Variants in FNBP1L observed in about 807,000 individuals in gnomAD.
The protein encoded by FNBP1L is formin-binding protein 1-like.
A neutral mutation model predicts 91.2 loss-of-function variants in FNBP1L; 36 were observed. The ratio of observed to expected loss-of-function variants is 0.39; its 90% CI spans 0.30 to 0.52. FNBP1L has a LOEUF of 0.52. FNBP1L is among the 20% of genes least tolerant of loss of function. The probability of loss-of-function intolerance (pLI) is 0.66; values close to 1 mark genes in which losing one functional copy is unlikely to be tolerated. For missense variants in FNBP1L, 571 were observed against 732.1 expected, an observed-to-expected ratio of 0.78 and a Z score of 2.54; for synonymous variants, 242 against 237.0, an observed-to-expected ratio of 1.02 and a Z score of -0.19.
At chr1:93,454,931 T>G (rs1258202204) in intron 1 of FNBP1L, among the ~76,000 whole-genome samples, 1 of 151,888 alleles carries the variant, frequency 6.6e-6, no homozygotes. Flanking sequence ...ATTTATTTAT[T>G]TATTTATTTA....
chr1:93,524,342 A>G lies in FNBP1L; in HGVS notation c.405+19A>G. On this transcript the variant is annotated intron_variant, in intron 5 of 16. Transcript: ENST00000271234. ...GGATAATGTGAGTTATGACATTTTCATGGTTAACATAAAATCTTGTAGACT... is the reference window on the plus strand; with the variant it reads ...GGATAATGTGAGTTATGACATTTTCGTGGTTAACATAAAATCTTGTAGACT... 6.8e-7 allele frequency: 1 copy of G among 1,472,396 alleles called. No individual in the cohort carries two copies. The highest frequency in any genetic ancestry group is 9.0e-7 in the Non-Finnish European group (1 of 1,110,286). The allele number at this position is 1,472,396 out of a possible 1,614,324, so 91.2% of individuals were successfully genotyped here.
At chr1:93,534,662 T>C (rs1446515241) in intron 8 of FNBP1L, 43 bp from the exon 9 acceptor site, 4 of 1,341,856 alleles carry the variant, frequency 3.0e-6, no homozygotes, top group Non-Finnish European at 4.1e-6. Context: ...TGTAGAATTA[T>C]GAGCAAGTGA....
chr1:93,499,421 A>G, intron 1 of FNBP1L, 47 bp from the exon 2 acceptor site: 2 of 1,204,940 alleles, frequency 1.7e-6, no homozygotes, highest in Non-Finnish European at 2.4e-6. Context: ...ATATCTGTGG[A>G]TAAAATTTTA....
At chr1:93,548,254 C>A (rs1390225151) in intron 14 of FNBP1L, among the ~76,000 whole-genome samples, 1 of 152,106 alleles carries the variant, frequency 6.6e-6, no homozygotes, top group African/African-American at 2.4e-5. Context: ...GATCTAATTT[C>A]TTTGGCATGT....
chr1:93,501,799 AT>A (rs1210885927), intron 2 of FNBP1L, among the ~76,000 whole-genome samples: 4 of 152,244 alleles, frequency 2.6e-5, no homozygotes, highest in Non-Finnish European at 5.9e-5. Context: ...TAATCAGATT[AT>A]TTTAAAGAAG....
intron 5 of FNBP1L, among the ~76,000 whole-genome samples, chr1:93,525,642 A>G (rs1671468844): frequency 6.6e-6 from 1 of 152,178 alleles, no homozygotes; most frequent in South Asian, 2.1e-4. Flanking sequence ...ATTATTCTTA[A>G]TAGGTGCCAA....
intron 2 of FNBP1L, among the ~76,000 whole-genome samples, chr1:93,513,254 A>G (rs1428471810): frequency 6.6e-6 from 1 of 151,554 alleles, no homozygotes; most frequent in Middle Eastern, 3.4e-3. Context: ...CAATAACAGG[A>G]TCTGAAATTG....
intron 6 of FNBP1L, among the ~76,000 whole-genome samples, chr1:93,530,380 A>G (rs1671633541): frequency 6.6e-6 from 1 of 152,088 alleles, no homozygotes; most frequent in South Asian, 2.1e-4. Flanking sequence ...TCCTAAAGCT[A>G]CCTGTTTTTC....
At chr1:93,511,675 G>A (rs1291374173) in intron 2 of FNBP1L, among the ~76,000 whole-genome samples, 6 of 152,224 alleles carry the variant, frequency 3.9e-5, no homozygotes, top group Non-Finnish European at 8.8e-5. Context: ...TGGATAAAGA[G>A]TCAAGACCCG....
At chr1:93,482,164 A>C (rs1669729481) in intron 1 of FNBP1L, among the ~76,000 whole-genome samples, 1 of 152,162 alleles carries the variant, frequency 6.6e-6, no homozygotes, top group Admixed American at 6.5e-5. Context: ...CCTGTCTCAA[A>C]AATAAATAAA....
At chr1:93,528,879 A>G (rs1241450796) in intron 5 of FNBP1L, among the ~76,000 whole-genome samples, 1 of 152,160 alleles carries the variant, frequency 6.6e-6, no homozygotes, top group Non-Finnish European at 1.5e-5. Flanking sequence ...AAATGAAGAC[A>G]TGTATTAACT....
chr1:93,504,823 T>C (rs1429865008), intron 2 of FNBP1L, among the ~76,000 whole-genome samples: 2 of 152,220 alleles, frequency 1.3e-5, no homozygotes, highest in African/African-American at 4.8e-5. Context: ...TTGTATATTC[T>C]GGATATTAAC....
At chr1:93,494,537 C>T (rs1374283277) in intron 1 of FNBP1L, among the ~76,000 whole-genome samples, 2 of 152,158 alleles carry the variant, frequency 1.3e-5, no homozygotes, top group Admixed American at 1.3e-4. Context: ...TCCTCTCCAG[C>T]CAGCCCTTGT....
At chr1:93,448,889 C>T (rs1434164321) in intron 1 of FNBP1L, among the ~76,000 whole-genome samples, 1 of 152,184 alleles carries the variant, frequency 6.6e-6, no homozygotes, top group Non-Finnish European at 1.5e-5. Flanking sequence ...CAGGCCCAGC[C>T]CACACGCACA....
intron 2 of FNBP1L, among the ~76,000 whole-genome samples, chr1:93,507,115 T>A (rs1051244761): frequency 0.012 from 1,352 of 115,798 alleles, 20 homozygotes; most frequent in African/African-American, 0.043. Context: ...ACACTCTCTC[T>A]CTCTCTCTCT....
intron 8 of FNBP1L, 143 bp from the exon 9 acceptor site, chr1:93,534,562 A>G (rs2101761933): frequency 3.8e-6 from 2 of 532,322 alleles, no homozygotes; most frequent in South Asian, 4.1e-5. Context: ...ATTCATGGGA[A>G]TAAATTATTT....
intron 7 of FNBP1L, among the ~76,000 whole-genome samples, chr1:93,531,846 G>C (rs1671686318): frequency 6.6e-6 from 1 of 152,152 alleles, no homozygotes; most frequent in Non-Finnish European, 1.5e-5. Flanking sequence ...CCCAGGCTGT[G>C]GGAGTTTGGG....
chr1:93,494,264 C>T (rs1009867530), intron 1 of FNBP1L, among the ~76,000 whole-genome samples: 3 of 152,078 alleles, frequency 2.0e-5, no homozygotes, highest in African/African-American at 7.2e-5. Context: ...GAAGAGGTAC[C>T]TAGGGTAAGA....
At chr1:93,551,129 A>T (rs767701423) in intron 16 of FNBP1L, 24 bp downstream of exon 16, 1 of 1,580,058 alleles carries the variant, frequency 6.3e-7, no homozygotes, top group Non-Finnish European at 8.6e-7. Flanking sequence ...TATCTAAACT[A>T]ACCAGGCACC....
Sources: gnomAD v4.1 joint callset for allele counts (sites outside exome capture counted in the v4.1 genomes callset) on GRCh38, gnomAD v4.1.1 for gene constraint, MANE v1.5 for transcripts, NCBI Gene and HGNC (gene_info 2026-07-23, HGNC 2026-07-21) for gene names.